LITAF: variants seen among roughly 807,000 people sequenced by gnomAD.
LITAF encodes the protein lipopolysaccharide induced TNF factor.
In LITAF, 9 loss-of-function variants were observed where a neutral mutation model predicts 14.5. That is an observed-to-expected ratio of 0.62 (90% CI 0.37 to 1.08). The LOEUF (loss-of-function observed/expected upper bound fraction) is 1.08, where lower values mean the gene tolerates loss of function less well. Among genes scored for constraint, LITAF ranks in the 50% least tolerant of loss-of-function variants. The pLI is 0.01. For synonymous variants in LITAF, 98 were observed against 88.2 expected, an observed-to-expected ratio of 1.11 and a Z score of -0.62; for missense variants, 206 against 213.4, an observed-to-expected ratio of 0.97 and a Z score of 0.22.
At chr16:11,579,955 G>A (rs1054755772) in intron 1 of LITAF, among the ~76,000 whole-genome samples, 3 of 152,152 alleles carry the variant, frequency 2.0e-5, no homozygotes, top group African/African-American at 7.2e-5. Context: ...CACAGGAGCA[G>A]CTCTGAAAAG....
At position 11,573,673 on chromosome 16, in the gene LITAF, T is replaced by C. The variant is rs186659119; in HGVS notation, c.-6+13213A>G. On this transcript the variant is annotated intron_variant, in intron 1 of 3. Coordinates refer to ENST00000622633, the MANE Select transcript of LITAF (RefSeq NM_001136472.2). The stretch of plus-strand genomic sequence containing the variant: ...GGAGAGTGTTTGTAGTGTGCCACCA[T>C]TTGTGTATGGTGAGAGAAGAAGATA... 1.0e-3 allele frequency among the ~76,000 whole-genome samples: 158 copies of C among 151,374 alleles called. 2 individuals are homozygous for C. The highest frequency in any genetic ancestry group is 1.3e-3 in the Non-Finnish European group (89 of 67,844).
rs4273053 is a variant in LITAF at position 11,558,263 on chromosome 16, G to C, written c.-5-1528C>G. On this transcript the variant is annotated intron_variant, in intron 1 of 3. Coordinates refer to ENST00000622633, the MANE Select transcript of LITAF (RefSeq NM_001136472.2). The surrounding 1 kb of genome is among the most constrained non-coding windows in gnomAD (Gnocchi z 4.1). Reference sequence around the variant, plus strand: ...GACTTCTCTGGAGGAACCGAAGAAAGGGTATTCACCTCAAAGTGGAAACAG... The same window carrying C: ...GACTTCTCTGGAGGAACCGAAGAAACGGTATTCACCTCAAAGTGGAAACAG... Among the ~76,000 whole-genome samples the C allele has an allele frequency of 0.75, 114,775 of 152,094 alleles. 43,756 individuals carry two copies. The highest frequency in any genetic ancestry group is 0.82 in the Admixed American group (12,583 of 15,272).
At chr16:11,637,904 A>ATCTATATCTATATCTATATATC, upstream of LITAF, among the ~76,000 whole-genome samples, 1 of 60,754 alleles carries the variant, frequency 1.6e-5, no homozygotes, top group African/African-American at 1.5e-4. Context: ...AAAACTATAT[A>ATCTATATCTATATCTATATATC]TATATATATC....
intron 1 of LITAF, among the ~76,000 whole-genome samples, chr16:11,579,356 C>T (rs2064695274): frequency 6.6e-6 from 1 of 151,696 alleles, no homozygotes; most frequent in Admixed American, 6.6e-5. Flanking sequence ...GAGGCTGAGG[C>T]AGGAGAATGG....
At position 11,632,028 on chromosome 16, in the gene LITAF, G is replaced by A. The variant is rs144976046; in HGVS notation, c.85+1505C>T. Among the ~76,000 whole-genome samples, 122 of 151,910 alleles carry A rather than the reference G, an allele frequency of 8.0e-4. No homozygotes were observed. The highest frequency in any genetic ancestry group is 1.1e-3 in the African/African-American group (46 of 41,460). ...ATTACAGGTGTGCGCCACCACGCCC[G>A]GCTAATTTTTTTGTCTTTTTAGTAG... On this transcript the variant is annotated intron_variant, in intron 3 of 3. Coordinates refer to the LITAF transcript ENST00000574848. The surrounding 1 kb of genome is among the most constrained non-coding windows in gnomAD (Gnocchi z 4.8).
chr16:11,598,654 G>C (rs1336441838), upstream of LITAF, among the ~76,000 whole-genome samples: 2 of 151,950 alleles, frequency 1.3e-5, no homozygotes, highest in Non-Finnish European at 2.9e-5. Context: ...CAATGATGAC[G>C]TGGCTTTGAA....
upstream of LITAF, among the ~76,000 whole-genome samples, chr16:11,601,842 G>A (rs76891411): frequency 4.8e-3 from 726 of 152,270 alleles, 4 homozygotes; most frequent in African/African-American, 0.017. Flanking sequence ...TTACAGATGT[G>A]AGCCACCCTG....
chr16:11,613,887 G>T (rs1197939609), intron 3 of LITAF, among the ~76,000 whole-genome samples: 1 of 152,212 alleles, frequency 6.6e-6, no homozygotes, highest in South Asian at 2.1e-4. Flanking sequence ...CACTTCTCTC[G>T]CTGAATGTTT....
upstream of LITAF, among the ~76,000 whole-genome samples, chr16:11,637,311 A>C (rs925175746): frequency 6.6e-6 from 1 of 152,238 alleles, no homozygotes; most frequent in African/African-American, 2.4e-5. Context: ...CCTTGGGTCC[A>C]GGCTTGCAGC....
upstream of LITAF, among the ~76,000 whole-genome samples, chr16:11,599,071 C>T (rs936717299): frequency 2.6e-5 from 4 of 151,674 alleles, no homozygotes; most frequent in Non-Finnish European, 4.4e-5. Context: ...CTGCCCATCT[C>T]GGCCTCCCAA....
rs927332775 is a variant in LITAF at position 11,632,627 on chromosome 16, C to T, written c.85+906G>A. Among the ~76,000 whole-genome samples, 3 of 152,210 alleles carry T rather than the reference C, an allele frequency of 2.0e-5. No individual in the cohort carries two copies. The highest frequency in any genetic ancestry group is 4.4e-5 in the Non-Finnish European group (3 of 68,026). ...CCTTGGCCCCATCTGGAGGAAGCCC[C>T]ACCGAGCCAGAGCCAGGGGAAGAAC... On this transcript the variant is annotated intron_variant, in intron 3 of 3. Coordinates refer to the LITAF transcript ENST00000574848. This position sits in a 1 kb window ranked among gnomAD's most constrained non-coding sequence, Gnocchi z 4.8.
intron 3 of LITAF, among the ~76,000 whole-genome samples, chr16:11,603,562 G>C (rs1387790934): frequency 1.3e-5 from 2 of 152,238 alleles, no homozygotes; most frequent in Non-Finnish European, 2.9e-5. Flanking sequence ...GGAATGGCTG[G>C]AAACGCCCTG....
At chr16:11,607,977 G>A (rs1429851372) in intron 3 of LITAF, among the ~76,000 whole-genome samples, 1 of 152,106 alleles carries the variant, frequency 6.6e-6, no homozygotes, top group East Asian at 1.9e-4. Flanking sequence ...CTCCCTGAAG[G>A]CAGGATCATT....
intron 3 of LITAF, among the ~76,000 whole-genome samples, chr16:11,606,630 C>A (rs1238459710): frequency 1.3e-5 from 2 of 151,774 alleles, no homozygotes; most frequent in African/African-American, 2.4e-5. Flanking sequence ...GAACCAAAAC[C>A]ATAGTATCTC....
chr16:11,618,535 G>A (rs1250194369), intron 3 of LITAF, among the ~76,000 whole-genome samples: 1 of 152,228 alleles, frequency 6.6e-6, no homozygotes. Flanking sequence ...TGGAGAGCGT[G>A]CTTGATGGGC....
intron 3 of LITAF, among the ~76,000 whole-genome samples, chr16:11,618,251 A>ATTCC (rs938833996): frequency 2.6e-5 from 4 of 152,306 alleles, no homozygotes; most frequent in Non-Finnish European, 5.9e-5. Flanking sequence ...CCCCCTTGGA[A>ATTCC]GAGACATTCC....
chr16:11,591,565 T>G (rs1425487736), upstream of LITAF, among the ~76,000 whole-genome samples: 1 of 131,720 alleles, frequency 7.6e-6, no homozygotes. Context: ...GACATATAAA[T>G]CAATGAAATA....
chr16:11,637,183 G>A (rs146235764), upstream of LITAF, among the ~76,000 whole-genome samples: 68 of 152,298 alleles, frequency 4.5e-4, no homozygotes, highest in East Asian at 7.3e-3. Flanking sequence ...AGGCCACCGC[G>A]CCTGGTCTGC....
chr16:11,630,513 C>T (rs77181127), intron 3 of LITAF, among the ~76,000 whole-genome samples: 3,631 of 152,060 alleles, frequency 0.024, 85 homozygotes, highest in Non-Finnish European at 0.035. Flanking sequence ...GTCCCTGTTG[C>T]TCCACAGCTT....
Sources: gnomAD v4.1 joint callset for allele counts (sites outside exome capture counted in the v4.1 genomes callset) on GRCh38, gnomAD v4.1.1 for gene constraint, Gnocchi (gnomAD v3.1) non-coding constraint, MANE v1.5 for transcripts, NCBI Gene and HGNC (gene_info 2026-07-23, HGNC 2026-07-21) for gene names.